Variants in DHRS12 observed in about 807,000 individuals in gnomAD.
DHRS12 encodes dehydrogenase/reductase 12.
DHRS12 carries 29 observed loss-of-function variants against 32.1 expected under a neutral mutation model. That is an observed-to-expected ratio of 0.90 (90% CI 0.67 to 1.23). The LOEUF (loss-of-function observed/expected upper bound fraction) is 1.23. DHRS12 is among the 50% of genes most tolerant of loss of function. The pLI is 0.00. For missense variants in DHRS12, 330 were observed against 337.2 expected, an observed-to-expected ratio of 0.98 and a Z score of 0.17; for synonymous variants, 150 against 135.9, an observed-to-expected ratio of 1.10 and a Z score of -0.72.
At chr13:51,754,901 G>T in the DHRS12 span, among the ~76,000 whole-genome samples, 2 of 152,048 alleles carry the variant, frequency 1.3e-5, no homozygotes, top group Non-Finnish European at 2.9e-5. Context: ...AATTTTAATG[G>T]TAATAAGCTG....
rs772930179 is a variant in DHRS12 at position 51,782,396 on chromosome 13, T to A, written c.302-5275A>T. 1.3e-5 allele frequency among the ~76,000 whole-genome samples: 2 copies of A among 152,132 alleles called. No individual in the cohort carries two copies. The highest frequency in any genetic ancestry group is 2.4e-5 in the African/African-American group (1 of 41,414). ...TAAGGAGGTTGAGAAGGAGCCAACC[T>A]CCGAGGGTGGAATCACAGGTGGCTT... On this transcript the variant is annotated intron_variant, in intron 4 of 8. Coordinates refer to ENST00000444610, the MANE Select transcript of DHRS12 (RefSeq NM_001377533.1). This position sits in a 1 kb window ranked among gnomAD's most constrained non-coding sequence, Gnocchi z 4.2.
intron 6 of DHRS12, among the ~76,000 whole-genome samples, chr13:51,773,687 T>G (rs1251860335): frequency 2.0e-5 from 3 of 152,044 alleles, no homozygotes; most frequent in African/African-American, 7.2e-5. Flanking sequence ...TGTGTGGGTC[T>G]GAGAAACACC....
chr13:51,777,229 G>A (rs888425851), intron 4 of DHRS12, 108 bp from the exon 5 acceptor site: 2 of 1,286,802 alleles, frequency 1.6e-6, no homozygotes, highest in Non-Finnish European at 2.2e-6. Context: ...CCCCACAAGA[G>A]GGCAAGTGGC....
chr13:51,787,476 G>A (rs1441149495), intron 4 of DHRS12, among the ~76,000 whole-genome samples: 1 of 151,738 alleles, frequency 6.6e-6, no homozygotes, highest in East Asian at 1.9e-4. Flanking sequence ...CGGTGATGGG[G>A]TGAGGGAGGA....
the DHRS12 span, chr13:51,760,055 TG>T: frequency 1.5e-5 from 5 of 326,326 alleles, no homozygotes; most frequent in Non-Finnish European, 2.2e-5. Flanking sequence ...AAAATCTGTG[TG>T]GGGTGTTTAA....
At chr13:51,787,642 C>T (rs1310091364) in intron 4 of DHRS12, among the ~76,000 whole-genome samples, 4 of 145,902 alleles carry the variant, frequency 2.7e-5, no homozygotes, top group Non-Finnish European at 4.5e-5. Context: ...GGACTACCTC[C>T]ATTATAGCAC....
intron 3 of DHRS12, among the ~76,000 whole-genome samples, chr13:51,790,423 T>C (rs1955214077): frequency 6.6e-6 from 1 of 152,162 alleles, no homozygotes; most frequent in Non-Finnish European, 1.5e-5. Flanking sequence ...ATTAAAAAGG[T>C]AGTAAGAAAC....
chr13:51,781,887 C>T (rs1325208666), intron 4 of DHRS12, among the ~76,000 whole-genome samples: 2 of 152,176 alleles, frequency 1.3e-5, no homozygotes, highest in East Asian at 3.9e-4. Flanking sequence ...GAGGAAGCCT[C>T]TGTTCGGGAG....
chr13:51,770,635 CA>C lies in DHRS12; in HGVS notation c.559+1185del, dbSNP rs1953966019. On this transcript the variant is annotated intron_variant, in intron 7 of 8. Coordinates refer to ENST00000444610, the MANE Select transcript of DHRS12 (RefSeq NM_001377533.1). ...GAGAACATCCTTTCTGTATTTAAGA[CA>C]GGAGACTCAGATCTGTACAGGTGAG... 4 of 442,122 alleles carry C rather than the reference CA, an allele frequency of 9.0e-6. No individual in the cohort carries two copies. The South Asian group carries it at 2.8e-4, about 31-fold the overall frequency. The allele number at this position is 442,122 out of a possible 1,614,324, so 27.4% of individuals were successfully genotyped here. A position where few individuals can be genotyped will look rare whatever the true frequency, so the allele number is the denominator to read the frequency against.
chr13:51,759,046 G>A, the DHRS12 span, among the ~76,000 whole-genome samples: 5 of 152,156 alleles, frequency 3.3e-5, no homozygotes, highest in Non-Finnish European at 5.9e-5. Flanking sequence ...GCCAGACGTG[G>A]TGGTTCCTGC....
In DHRS12 at chr13:51,768,086, G is replaced by C. The variant is rs1040127407; in HGVS notation, c.*101C>G. 19 of 1,495,138 alleles carry C rather than the reference G, an allele frequency of 1.3e-5. No homozygotes were observed. Among genetic ancestry groups the C allele is most frequent in the East Asian group, 4.9e-5 (2 of 40,520 alleles). 92.6% of individuals were successfully genotyped at this position (1,495,138 alleles called of 1,614,324 possible). A position where few individuals can be genotyped will look rare whatever the true frequency, so the allele number is the denominator to read the frequency against. On this transcript the variant is annotated 3_prime_UTR_variant, in exon 9 of 9. Coordinates refer to ENST00000444610, the MANE Select transcript of DHRS12 (RefSeq NM_001377533.1). ...CCTCGCTGTGAGGCACAACGTCTTCGAGGGGAAGTTGAAGTGGGGTCTTCT... is the reference window on the plus strand; with the variant it reads ...CCTCGCTGTGAGGCACAACGTCTTCCAGGGGAAGTTGAAGTGGGGTCTTCT...
intron 8 of DHRS12, chr13:51,768,773 A>G: frequency 8.7e-7 from 1 of 1,152,140 alleles, no homozygotes; most frequent in Non-Finnish European, 1.1e-6. Context: ...AAAATAGAGA[A>G]GCAGAGTCCC....
Position 51,768,258 on chromosome 13 carries a change from C to T in DHRS12, c.736G>A (p.Ala246Thr), listed in dbSNP as rs2138859530. ...PVSTHLPLAT[A>T]SSSPAEEEKL... ...TCCTCTTCGGCCGGTGAGGAGGACG[C>T]TGTAGCGAGAGGCAAGTGTGTAGAA... The change falls in exon 9 of 9, where the codon GCG becomes ACG. Residue 246 changes from alanine to threonine, a missense_variant. Ala to Thr is a moderately conservative substitution (Grantham distance 58). Transcript: ENST00000444610. 2 of 1,536,096 alleles carry T rather than the reference C, an allele frequency of 1.3e-6. No homozygotes were observed. Among genetic ancestry groups the T allele is most frequent in the Non-Finnish European group, 1.7e-6 (2 of 1,146,906 alleles).
At chr13:51,799,706 A>G (rs1955665633) in intron 1 of DHRS12, 39 bp from the exon 2 acceptor site, 1 of 1,606,826 alleles carries the variant, frequency 6.2e-7, no homozygotes. Context: ...AGCTGTAAGG[A>G]GTGGGGAACA....
downstream of DHRS12, chr13:51,767,656 C>G (rs1953792094): frequency 6.5e-6 from 1 of 154,722 alleles, no homozygotes. Flanking sequence ...TGAAGCCACT[C>G]CTAATCTTAA....
At chr13:51,756,382 G>A in the DHRS12 span, 1 of 1,614,012 alleles carries the variant, frequency 6.2e-7, no homozygotes, top group East Asian at 2.2e-5. Flanking sequence ...GCAGCTCCAA[G>A]CGCTCCTCCA....
At chr13:51,767,980 C>A, downstream of DHRS12, 1 of 1,366,888 alleles carries the variant, frequency 7.3e-7, no homozygotes, top group Non-Finnish European at 9.4e-7. Flanking sequence ...AAGAAAAGAA[C>A]CTGCTGCAGG....
At position 51,798,393 on chromosome 13, in the gene DHRS12, C is replaced by A. The variant is rs555509645; in HGVS notation, c.126+1141G>T. Among the ~76,000 whole-genome samples the A allele has an allele frequency of 7.9e-5, 12 of 152,332 alleles. No individual in the cohort carries two copies. The South Asian group carries it at 2.3e-3, about 29-fold the overall frequency. On this transcript the variant is annotated intron_variant, in intron 2 of 8. Coordinates refer to ENST00000444610, the MANE Select transcript of DHRS12 (RefSeq NM_001377533.1). ...CTCAAGTATTGACTGAATGTTGAGTCCATCAGCAGCCCTCATATTATCCCA... is the reference window on the plus strand; with the variant it reads ...CTCAAGTATTGACTGAATGTTGAGTACATCAGCAGCCCTCATATTATCCCA...
chr13:51,768,832 G>A, intron 8 of DHRS12: 2 of 1,312,554 alleles, frequency 1.5e-6, no homozygotes, highest in Non-Finnish European at 9.7e-7. Context: ...TCCCTTTGCA[G>A]TGCAGCTTTG....
Sources: gnomAD v4.1 joint callset for allele counts (sites outside exome capture counted in the v4.1 genomes callset) on GRCh38, gnomAD v4.1.1 for gene constraint, Gnocchi (gnomAD v3.1) non-coding constraint, MANE v1.5 for transcripts, NCBI Gene and HGNC (gene_info 2026-07-23, HGNC 2026-07-21) for gene names.